The following NSD2 variants were observed in gnomAD, a reference collection of about 807,000 sequenced individuals.
NSD2 encodes histone-lysine N-methyltransferase NSD2.
NSD2 carries 12 observed loss-of-function variants against 139.0 expected under a neutral mutation model. The ratio of observed to expected loss-of-function variants is 0.09; its 90% CI spans 0.06 to 0.14. The LOEUF (loss-of-function observed/expected upper bound fraction) is 0.14. Among genes scored for constraint, NSD2 ranks in the 10% least tolerant of loss-of-function variants. The pLI, the probability that NSD2 is intolerant of heterozygous loss-of-function variation, is 1.00. For synonymous variants in NSD2, 669 were observed against 648.7 expected, an observed-to-expected ratio of 1.03 and a Z score of -0.48; for missense variants, 1,155 against 1,745.0, an observed-to-expected ratio of 0.66 and a Z score of 6.02.
At chr4:1,896,682 C>CTCCCTTCCTTCCTCTT (rs1716362680) in intron 1 of NSD2, among the ~76,000 whole-genome samples, 1 of 135,182 alleles carries the variant, frequency 7.4e-6, no homozygotes, top group African/African-American at 3.9e-5. Context: ...CCCTCCCTCC[C>CTCCCTTCCTTCCTCTT]TTCCTTCCCG....
At position 1,942,229 on chromosome 4, in the gene NSD2, G is replaced by C; in HGVS notation, c.1881+2451G>C. Reference sequence around the variant, plus strand: ...GAGAATAAATTAAAATTACACACTTGCATGACAAAGGCCTGTGAAGGAATT... The same window carrying C: ...GAGAATAAATTAAAATTACACACTTCCATGACAAAGGCCTGTGAAGGAATT... On this transcript the variant is annotated intron_variant, in intron 9 of 21. Transcript: ENST00000508803. This position sits in a 1 kb window ranked among gnomAD's most constrained non-coding sequence, Gnocchi z 4.0. 4 of 1,521,318 alleles carry C rather than the reference G, an allele frequency of 2.6e-6. No individual in the cohort carries two copies. Among genetic ancestry groups the C allele is most frequent in the South Asian group, 1.3e-5 (1 of 75,034 alleles). The allele number at this position is 1,521,318 out of a possible 1,614,324, so 94.2% of individuals were successfully genotyped here.
At chr4:1,922,834 G>A (rs371688349) in intron 5 of NSD2, among the ~76,000 whole-genome samples, 2 of 152,226 alleles carry the variant, frequency 1.3e-5, no homozygotes, top group African/African-American at 2.4e-5. Context: ...GCTGAGGCTG[G>A]AGAATTGCTT....
intron 1 of NSD2, among the ~76,000 whole-genome samples, chr4:1,887,213 G>C (rs1715179545): frequency 6.6e-6 from 1 of 152,156 alleles, no homozygotes; most frequent in African/African-American, 2.4e-5. Context: ...TATCCTATGA[G>C]GCTGCTTGGG....
chr4:1,930,834 C>T, intron 6 of NSD2, 64 bp downstream of exon 6: 1 of 1,527,468 alleles, frequency 6.5e-7, no homozygotes, highest in Admixed American at 1.9e-5. Flanking sequence ...GCAAGCTGAG[C>T]TCTGATCTTG....
intron 1 of NSD2, among the ~76,000 whole-genome samples, chr4:1,878,481 A>G (rs1002510645): frequency 4.6e-5 from 7 of 151,604 alleles, no homozygotes; most frequent in African/African-American, 1.5e-4. Flanking sequence ...CATAGCACAT[A>G]CCTCCAACAT....
At chr4:1,945,906 C>A (rs1723581485) in intron 9 of NSD2, 2 of 1,058,900 alleles carry the variant, frequency 1.9e-6, no homozygotes, top group African/African-American at 3.3e-5. Context: ...ATTTGACTTA[C>A]AACACACTTC....
Position 1,979,027 on chromosome 4 carries a change from G to GT in NSD2, c.*119dup, listed in dbSNP as rs1197547492. The stretch of plus-strand genomic sequence containing the variant: ...CAGCTCGAGCCGCCAGGACACAGAC[G>GT]TACAGGCCTCCTCGGGAGGGAGCGC... On this transcript the variant is annotated 3_prime_UTR_variant, in exon 22 of 22. Transcript: ENST00000508803. The GT allele has an allele frequency of 7.6e-7, 1 of 1,316,650 alleles. No homozygotes were observed. Among genetic ancestry groups the GT allele is most frequent in the Non-Finnish European group, 1.0e-6 (1 of 999,408 alleles). 81.6% of individuals were successfully genotyped at this position (1,316,650 alleles called of 1,614,324 possible).
At chr4:1,938,388 CTTTTT>C in intron 7 of NSD2, 58 bp from the exon 8 acceptor site, 1 of 1,129,866 alleles carries the variant, frequency 8.9e-7, no homozygotes, top group East Asian at 3.3e-5. Context: ...TTTTTTTTTC[CTTTTT>C]TTCTTTTCTT....
Position 1,918,439 on chromosome 4 carries a change from C to T in NSD2, c.1226C>T (p.Ala409Val). 6.2e-7 allele frequency: 1 copy of T among 1,614,104 alleles called. No homozygotes were observed. The highest frequency in any genetic ancestry group is 8.5e-7 in the Non-Finnish European group (1 of 1,180,024). The part of the protein sequence containing the change: ...RRRRAKLCSS[A>V]ETLESHPDIG... Reference sequence around the variant, plus strand: ...CGGAGGGCCAAACTGTGTAGCTCTGCAGAGACCCTGGAGAGTCACCCCGAC... The same window carrying T: ...CGGAGGGCCAAACTGTGTAGCTCTGTAGAGACCCTGGAGAGTCACCCCGAC... Residue 409 changes from alanine to valine, a missense_variant, in exon 5 of 22, where the codon GCA becomes GTA. Physicochemically the swap from Ala to Val is moderately conservative, Grantham distance 64 (BLOSUM62 0). This residue lies in a region of NSD2 where 420 missense variants were observed against 469.0 expected (regional missense o/e 0.90). Transcript: ENST00000508803.
Position 1,978,779 on chromosome 4 carries a change from G to C in NSD2, c.3968G>C (p.Cys1323Ser), listed in dbSNP as rs759312671. 3 of 1,614,006 alleles carry C rather than the reference G, an allele frequency of 1.9e-6. No homozygotes were observed. The South Asian group carries it at 3.3e-5, about 18-fold the overall frequency. Residue 1323 changes from cysteine to serine, a missense_variant, in exon 22 of 22, where the codon TGC (cysteine) becomes TCC (serine). By Grantham distance (112) the Cys-to-Ser change is moderately radical (BLOSUM62 -1). Coordinates refer to ENST00000508803, the MANE Select transcript of NSD2 (RefSeq NM_001042424.3). ...FSCTPDGRSY[C>S]CEHDLGAASV... ...TGCACCCCGGACGGGCGGTCCTACTGCTGTGAGCATGACTTAGGGGCGGCA... is the reference window on the plus strand; with the variant it reads ...TGCACCCCGGACGGGCGGTCCTACTCCTGTGAGCATGACTTAGGGGCGGCA...
intron 1 of NSD2, among the ~76,000 whole-genome samples, chr4:1,876,887 G>T (rs904671062): frequency 6.6e-6 from 1 of 152,270 alleles, no homozygotes; most frequent in Middle Eastern, 3.4e-3. Context: ...TGTAATCCCA[G>T]TGCTTTGGGA....
At chr4:1,962,020 A>T (rs1725422241) in intron 18 of NSD2, among the ~76,000 whole-genome samples, 1 of 152,254 alleles carries the variant, frequency 6.6e-6, no homozygotes, top group Admixed American at 6.5e-5. Flanking sequence ...ATGATCACCG[A>T]TAAAAAAATG....
intron 5 of NSD2, among the ~76,000 whole-genome samples, chr4:1,925,502 G>GATTCT (rs1720776261): frequency 7.2e-6 from 1 of 138,410 alleles, no homozygotes. Flanking sequence ...GGGTTCAAGC[G>GATTCT]ATTCTCCTGC....
chr4:1,919,339 G>A (rs1719825401), intron 5 of NSD2, among the ~76,000 whole-genome samples: 1 of 152,136 alleles, frequency 6.6e-6, no homozygotes, highest in Admixed American at 6.5e-5. Flanking sequence ...AGCTCATTGT[G>A]TCCACTGGCA....
chr4:1,910,752 A>T (rs1434537097), intron 3 of NSD2, among the ~76,000 whole-genome samples: 2 of 152,016 alleles, frequency 1.3e-5, no homozygotes, highest in African/African-American at 4.8e-5. Flanking sequence ...TTGCTGAGAG[A>T]TGTGTTAAAA....
rs1723241565 is a variant in NSD2 at position 1,942,868 on chromosome 4, G to A, written c.1881+3090G>A. 2.8e-6 allele frequency: 3 copies of A among 1,062,732 alleles called. No homozygotes were observed. In the South Asian group the frequency reaches 1.4e-4, roughly 48 times the overall value. The allele number at this position is 1,062,732 out of a possible 1,614,324, so 65.8% of individuals were successfully genotyped here. A position where few individuals can be genotyped will look rare whatever the true frequency, so the allele number is the denominator to read the frequency against. On this transcript the variant is annotated intron_variant, in intron 9 of 21. Transcript: ENST00000508803. This position sits in a 1 kb window ranked among gnomAD's most constrained non-coding sequence, Gnocchi z 4.0. Reference sequence around the variant, plus strand: ...TCTCATTGCCAGTGAGATATATTCAGTATTGTAGATACTACACTAATTTCC... The same window carrying A: ...TCTCATTGCCAGTGAGATATATTCAATATTGTAGATACTACACTAATTTCC...
chr4:1,897,661 G>A (rs1577383017), intron 1 of NSD2, among the ~76,000 whole-genome samples: 2 of 152,152 alleles, frequency 1.3e-5, no homozygotes, highest in East Asian at 1.9e-4. Context: ...TTGAGACAGA[G>A]TCTCACTCAG....
chr4:1,964,604 CAGAGGTGCAGACAA>C (rs1725686180), intron 18 of NSD2, among the ~76,000 whole-genome samples: 3 of 152,122 alleles, frequency 2.0e-5, no homozygotes, highest in Admixed American at 2.0e-4. Context: ...CTTCTGATCA[CAGAGGTGCAGACAA>C]AGAGGTGCGC....
chr4:1,939,847 G>A (rs1722901737), intron 9 of NSD2, 69 bp downstream of exon 9: 1 of 1,610,738 alleles, frequency 6.2e-7, no homozygotes, highest in South Asian at 1.1e-5. Context: ...ACGCTGCAGT[G>A]TGAGTAATGC....
Sources: gnomAD v4.1 joint callset for allele counts (sites outside exome capture counted in the v4.1 genomes callset) on GRCh38, gnomAD v4.1.1 for gene constraint, gnomAD v4.1.1 regional missense constraint, Gnocchi (gnomAD v3.1) non-coding constraint, MANE v1.5 for transcripts, NCBI Gene and HGNC (gene_info 2026-07-23, HGNC 2026-07-21) for gene names.